Variants in CASTOR2 observed in about 807,000 individuals in gnomAD.
The protein encoded by CASTOR2 is GATS protein like 2.
In CASTOR2, 8 loss-of-function variants were observed where a neutral mutation model predicts 31.2. That is an observed-to-expected ratio of 0.26 (90% confidence interval 0.15 to 0.46). The LOEUF (loss-of-function observed/expected upper bound fraction) is 0.46, where lower values mean the gene tolerates loss of function less well. CASTOR2 is among the 20% of genes least tolerant of loss of function. CASTOR2 has a pLI of 0.99. For missense variants in CASTOR2, 216 were observed against 382.1 expected, an observed-to-expected ratio of 0.57 and a Z score of 3.62; for synonymous variants, 162 against 158.7, an observed-to-expected ratio of 1.02 and a Z score of -0.16.
intron 1 of CASTOR2, among the ~76,000 whole-genome samples, chr7:74,987,627 C>T (rs1804102879): frequency 6.6e-6 from 1 of 152,224 alleles, no homozygotes; most frequent in Non-Finnish European, 1.5e-5. Context: ...TTGTTCATCA[C>T]CCCCGTGGGG....
At position 74,982,209 on chromosome 7, in the gene CASTOR2, C is replaced by T. The variant is rs1463816755; in HGVS notation, c.113+17111C>T. Among the ~76,000 whole-genome samples the T allele has an allele frequency of 1.9e-3, 272 of 143,494 alleles. 3 individuals are homozygous for T. Among genetic ancestry groups the T allele is most frequent in the African/African-American group, 6.5e-3 (249 of 38,132 alleles). The allele number at this position is 143,494 out of a possible 152,430, so 94.1% of individuals were successfully genotyped here. On this transcript the variant is annotated intron_variant, in intron 1 of 8. Coordinates refer to ENST00000616305, the MANE Select transcript of CASTOR2 (RefSeq NM_001145064.3). ...GTGTCAGGGGCGCCCTCAGACTCTA[C>T]CCTCCTTCATTGCCTTAGAGGTGAG... is the stretch of plus-strand genomic sequence containing the variant.
chr7:75,026,189 G>GTTTTTTTTTTTTTTTTTTTTTTTTT lies in CASTOR2; in HGVS notation c.*1507_*1508insTTTTTTTTTTTTTTTTTTTTTTTTT, dbSNP rs879121750. On this transcript the variant is annotated 3_prime_UTR_variant, in exon 9 of 9. Transcript: ENST00000616305. Reference sequence around the variant, plus strand: ...CCCTGTGGTTTTGGCTCTGGCGGGGGTTTTTTTTTTTTTTTTTGAGATGGG... The same window carrying GTTTTTTTTTTTTTTTTTTTTTTTTT: ...CCCTGTGGTTTTGGCTCTGGCGGGGGTTTTTTTTTTTTTTTTTTTTTTTTTTTTTTTTTTTTTTTTTTGAGATGGG... Among the ~76,000 whole-genome samples, 22 of 117,704 alleles carry GTTTTTTTTTTTTTTTTTTTTTTTTT rather than the reference G, an allele frequency of 1.9e-4. No homozygotes were observed. Among genetic ancestry groups the GTTTTTTTTTTTTTTTTTTTTTTTTT allele is most frequent in the Non-Finnish European group, 3.0e-4 (17 of 56,708 alleles). 77.2% of individuals were successfully genotyped at this position (117,704 alleles called of 152,430 possible).
Position 75,030,443 on chromosome 7 carries a change from C to T in CASTOR2, c.*5744C>T, listed in dbSNP as rs963580748. ...AGAGGGTGGGGCGTCTCTGGTAGGA[C>T]GGCCTCACCCCACTTGTCAGAACTA... On this transcript the variant is annotated 3_prime_UTR_variant, in exon 9 of 9. Coordinates refer to ENST00000616305, the MANE Select transcript of CASTOR2 (RefSeq NM_001145064.3). Among the ~76,000 whole-genome samples, 79 of 152,238 alleles carry T rather than the reference C, an allele frequency of 5.2e-4. 1 individual carries two copies. The highest frequency in any genetic ancestry group is 2.2e-3 in the Admixed American group (34 of 15,298).
In CASTOR2 at chr7:75,026,880, G is replaced by A. The variant is rs1178150099; in HGVS notation, c.*2181G>A. Among the ~76,000 whole-genome samples, 1 of 151,948 alleles carries A rather than the reference G, an allele frequency of 6.6e-6. No individual in the cohort carries two copies. Among genetic ancestry groups the A allele is most frequent in the East Asian group, 1.9e-4 (1 of 5,194 alleles). ...CCCGCCGTGCAAGTGTGTCGGCCCC[G>A]TGACCCCAGAGTCGTGTGTCCCCTA... is the stretch of plus-strand genomic sequence containing the variant. On this transcript the variant is annotated 3_prime_UTR_variant, in exon 9 of 9. Transcript: ENST00000616305.
At chr7:75,018,315 A>T (rs1335239819) in intron 4 of CASTOR2, among the ~76,000 whole-genome samples, 193 bp downstream of exon 4, 10 of 152,032 alleles carry the variant, frequency 6.6e-5, no homozygotes, top group African/African-American at 2.4e-4. Context: ...CGAGGCAGGC[A>T]ATTCACCTGA....
chr7:75,020,092 CCTT>C lies in CASTOR2; in HGVS notation c.692_694del (p.Phe231del), dbSNP rs1804957875. ...GACTGCGGCCACATCCGCTTCTTCT[CCTT>C]CTCCCTCATCGAGGGCTACATCTCC... On this transcript the variant is annotated inframe_deletion, in exon 6 of 9. Transcript: ENST00000616305. 2 of 1,551,542 alleles carry C rather than the reference CCTT, an allele frequency of 1.3e-6. No individual in the cohort carries two copies.
At chr7:75,017,507 C>T in intron 2 of CASTOR2, 91 bp from the exon 3 acceptor site, 3 of 1,434,392 alleles carry the variant, frequency 2.1e-6, no homozygotes, top group Non-Finnish European at 2.9e-6. Context: ...GGCCCCAGAG[C>T]ATCACTCTCC....
rs943856642 is a variant in CASTOR2, at chr7:75,028,230, C to T, written c.*3531C>T. 4.0e-5 allele frequency among the ~76,000 whole-genome samples: 6 copies of T among 151,634 alleles called. No homozygotes were observed. The highest frequency in any genetic ancestry group is 7.4e-5 in the Non-Finnish European group (5 of 67,984). ...CCACTTCCTGGGTTCAAGCGAGTCT[C>T]CTACATTGGCCTCCCAAGTAGGTGA... On this transcript the variant is annotated 3_prime_UTR_variant, in exon 9 of 9. Coordinates refer to ENST00000616305, the MANE Select transcript of CASTOR2 (RefSeq NM_001145064.3).
intron 2 of CASTOR2, among the ~76,000 whole-genome samples, chr7:75,008,940 A>C (rs1804666039): frequency 6.6e-6 from 1 of 152,092 alleles, no homozygotes; most frequent in Non-Finnish European, 1.5e-5. Context: ...CAGCCTGGGC[A>C]ACATGATGAG....
rs1283579397 is a variant in CASTOR2, at chr7:74,973,142, C to G, written c.113+8044C>G. Among the ~76,000 whole-genome samples the G allele has an allele frequency of 7.3e-5, 11 of 150,440 alleles. No homozygotes were observed. The East Asian group carries it at 1.9e-3, about 27-fold the overall frequency. On this transcript the variant is annotated intron_variant, in intron 1 of 8. Coordinates refer to ENST00000616305, the MANE Select transcript of CASTOR2 (RefSeq NM_001145064.3). ...GAGTTAGAGCCCTGGGACACCTGGG[C>G]TGGAATCCCAGCACTGCTCATCCTG...
intron 7 of CASTOR2, 42 bp from the exon 8 acceptor site, chr7:75,024,398 G>A: frequency 6.5e-7 from 1 of 1,548,042 alleles, no homozygotes; most frequent in Non-Finnish European, 8.7e-7. Flanking sequence ...GGCAAGGGTA[G>A]CCAGGTTACA....
At chr7:74,993,323 C>G (rs1460033167) in intron 1 of CASTOR2, among the ~76,000 whole-genome samples, 1 of 152,034 alleles carries the variant, frequency 6.6e-6, no homozygotes, top group African/African-American at 2.4e-5. Context: ...GCAGGCTGGG[C>G]CAGTCTCTGT....
chr7:75,019,482 C>A (rs1352095226), intron 5 of CASTOR2, among the ~76,000 whole-genome samples: 1 of 152,122 alleles, frequency 6.6e-6, no homozygotes, highest in Non-Finnish European at 1.5e-5. Flanking sequence ...CGCCCTGGAA[C>A]TAGGCTGAGG....
Position 74,971,123 on chromosome 7 carries a change from G to A in CASTOR2, c.113+6025G>A, listed in dbSNP as rs1158863918. On this transcript the variant is annotated intron_variant, in intron 1 of 8. Coordinates refer to ENST00000616305, the MANE Select transcript of CASTOR2 (RefSeq NM_001145064.3). ...CAATTCTCCTGCCTCAGCCTCTGGAGTAGCTAGGATTACAGGCACCCACCA... is the reference window on the plus strand; with the variant it reads ...CAATTCTCCTGCCTCAGCCTCTGGAATAGCTAGGATTACAGGCACCCACCA... Among the ~76,000 whole-genome samples, 38 of 148,154 alleles carry A rather than the reference G, an allele frequency of 2.6e-4. 2 individuals are homozygous for A. The highest frequency in any genetic ancestry group is 9.0e-4 in the African/African-American group (36 of 39,940).
At chr7:74,974,437 C>T (rs1197422333) in intron 1 of CASTOR2, among the ~76,000 whole-genome samples, 11 of 150,960 alleles carry the variant, frequency 7.3e-5, no homozygotes, top group Admixed American at 1.3e-4. Context: ...GAGGCCCACA[C>T]AGGGGGCATG....
At chr7:74,995,810 A>G (rs1486861088) in intron 1 of CASTOR2, among the ~76,000 whole-genome samples, 6 of 142,816 alleles carry the variant, frequency 4.2e-5, no homozygotes, top group South Asian at 4.4e-4. Context: ...TCCATCTCAG[A>G]AAAAAAAAAA....
At position 75,026,188 on chromosome 7, in the gene CASTOR2, G is replaced by GTTTTTTTTTTTTTTTTTTTCTTTTTTTT. The variant is rs1178084776; in HGVS notation, c.*1489_*1490insTTTTTTTTTTTTTTTTTTTCTTTTTTTT. ...CCCCTGTGGTTTTGGCTCTGGCGGG[G>GTTTTTTTTTTTTTTTTTTTCTTTTTTTT]GTTTTTTTTTTTTTTTTTGAGATGG... On this transcript the variant is annotated 3_prime_UTR_variant, in exon 9 of 9. Coordinates refer to ENST00000616305, the MANE Select transcript of CASTOR2 (RefSeq NM_001145064.3). Among the ~76,000 whole-genome samples the GTTTTTTTTTTTTTTTTTTTCTTTTTTTT allele has an allele frequency of 8.8e-6, 1 of 113,264 alleles. No individual in the cohort carries two copies. Among genetic ancestry groups the GTTTTTTTTTTTTTTTTTTTCTTTTTTTT allele is most frequent in the Non-Finnish European group, 1.9e-5 (1 of 51,510 alleles). The allele number at this position is 113,264 out of a possible 152,430, so 74.3% of individuals were successfully genotyped here.
At chr7:75,008,543 T>C (rs1804655430) in intron 2 of CASTOR2, among the ~76,000 whole-genome samples, 1 of 149,004 alleles carries the variant, frequency 6.7e-6, no homozygotes, top group African/African-American at 2.6e-5. Flanking sequence ...AACGTTACTT[T>C]AAATTAACTG....
intron 1 of CASTOR2, among the ~76,000 whole-genome samples, chr7:74,998,996 CT>C (rs1273432344): frequency 6.1e-5 from 9 of 148,442 alleles, no homozygotes; most frequent in African/African-American, 7.4e-5. Flanking sequence ...TATTTTCTAT[CT>C]TTTTTTTTTG....
Sources: allele counts gnomAD v4.1 joint callset (sites outside exome capture counted in the v4.1 genomes callset), GRCh38; gene constraint gnomAD v4.1.1; transcripts MANE v1.5; gene names NCBI Gene and HGNC (gene_info 2026-07-23, HGNC 2026-07-21).